The following SEH1L variants were observed in gnomAD, a reference collection of about 807,000 sequenced individuals.
SEH1L encodes the protein nucleoporin SEH1.
In SEH1L, 18 loss-of-function variants were observed where a neutral mutation model predicts 49.5. The observed-to-expected ratio is 0.36, with a 90% CI of 0.25 to 0.54. SEH1L has a LOEUF of 0.54. SEH1L is among the 20% of genes least tolerant of loss of function. SEH1L has a pLI of 0.87. For missense variants in SEH1L, 404 were observed against 528.8 expected, an observed-to-expected ratio of 0.76 and a Z score of 2.31; for synonymous variants, 169 against 178.1, an observed-to-expected ratio of 0.95 and a Z score of 0.41.
At chr18:12,977,911 C>T (rs1011340706) in intron 5 of SEH1L, 15 of 152,408 alleles carry the variant, frequency 9.8e-5, no homozygotes, top group African/African-American at 3.4e-4. Context: ...TCACTGCAAC[C>T]TCCGCCTCCT....
chr18:12,959,956 A>G (rs995006185), intron 3 of SEH1L, among the ~76,000 whole-genome samples: 13 of 152,216 alleles, frequency 8.5e-5, no homozygotes, highest in Non-Finnish European at 1.8e-4. Flanking sequence ...ATGGGAGGGC[A>G]AGATCTCTCG....
chr18:12,963,920 C>T lies in SEH1L; in HGVS notation c.521+549C>T, dbSNP rs150676557. 2.7e-3 allele frequency among the ~76,000 whole-genome samples: 417 copies of T among 152,324 alleles called. 3 individuals are homozygous for T. The highest frequency in any genetic ancestry group is 5.1e-3 in the Non-Finnish European group (350 of 68,020). On this transcript the variant is annotated intron_variant, in intron 4 of 8. Transcript: ENST00000399892. ...TAGACATGGGGTTTTACCATGTTGG[C>T]CAGACTGGTCTTGAACTTCTAACCT...
intron 3 of SEH1L, among the ~76,000 whole-genome samples, chr18:12,956,176 C>G (rs957933732): frequency 1.3e-5 from 2 of 152,038 alleles, no homozygotes; most frequent in Non-Finnish European, 2.9e-5. Context: ...TCCTGAGTAG[C>G]TGGGACTACA....
At chr18:12,971,120 G>A (rs1336595349) in intron 4 of SEH1L, 33 bp from the exon 5 acceptor site, 7 of 1,439,734 alleles carry the variant, frequency 4.9e-6, no homozygotes, top group African/African-American at 1.4e-5. Flanking sequence ...TATTTCTTTT[G>A]TTATCTAAAA....
chr18:12,951,793 T>C lies in SEH1L; in HGVS notation c.112-62T>C, dbSNP rs143847623. ...TTCCTTGTACACTGATTCAGTCTTATAGTTTTTGTATCAATTTGTAGGAAT... is the reference window on the plus strand; with the variant it reads ...TTCCTTGTACACTGATTCAGTCTTACAGTTTTTGTATCAATTTGTAGGAAT... On this transcript the variant is annotated intron_variant, in intron 1 of 8. Coordinates refer to ENST00000399892, the MANE Select transcript of SEH1L (RefSeq NM_001013437.2). 6,787 of 978,892 alleles carry C rather than the reference T, an allele frequency of 6.9e-3. 47 individuals carry two copies. Among genetic ancestry groups the C allele is most frequent in the Non-Finnish European group, 8.6e-3 (5,388 of 623,274 alleles). The allele number at this position is 978,892 out of a possible 1,614,324, so 60.6% of individuals were successfully genotyped here. A position where few individuals can be genotyped will look rare whatever the true frequency, so the allele number is the denominator to read the frequency against.
At chr18:12,980,984 C>T (rs1444786067) in intron 6 of SEH1L, among the ~76,000 whole-genome samples, 4 of 149,390 alleles carry the variant, frequency 2.7e-5, no homozygotes, top group African/African-American at 7.4e-5. Flanking sequence ...ACTTCCCAGA[C>T]GGGGTGGCTG....
At chr18:12,971,429 A>G in intron 5 of SEH1L, 178 bp downstream of exon 5, 1 of 454,344 alleles carries the variant, frequency 2.2e-6, no homozygotes, top group Non-Finnish European at 4.0e-6. Context: ...AAGAGGAGAA[A>G]GTAGACCAGC....
intron 7 of SEH1L, among the ~76,000 whole-genome samples, chr18:12,983,410 C>T (rs185581198): frequency 5.9e-5 from 9 of 152,320 alleles, no homozygotes; most frequent in Admixed American, 5.2e-4. Flanking sequence ...ACCTTCCTTT[C>T]CTCAGTGTAA....
At chr18:12,948,848 C>CTTTTTTT (rs920060634) in intron 1 of SEH1L, 7 of 132,054 alleles carry the variant, frequency 5.3e-5, no homozygotes, top group East Asian at 2.2e-4. Flanking sequence ...AATTTCTTTT[C>CTTTTTTT]TTTTTTTTTT....
In SEH1L at chr18:12,981,268, C is replaced by T. The variant is rs568925554; in HGVS notation, c.762-1250C>T. 3.0e-3 allele frequency among the ~76,000 whole-genome samples: 449 copies of T among 152,104 alleles called. 2 individuals carry two copies. The highest frequency in any genetic ancestry group is 0.01 in the African/African-American group (431 of 41,474). On this transcript the variant is annotated intron_variant, in intron 6 of 8. Transcript: ENST00000399892. ...CCTCACATCCCAGACGATGGGTGGC[C>T]AGGCAGAGACGCTCCTCACTTCCCA...
chr18:12,963,413 T>C (rs748918847), intron 4 of SEH1L, 42 bp downstream of exon 4: 2 of 1,438,402 alleles, frequency 1.4e-6, no homozygotes, highest in South Asian at 2.3e-5. Context: ...CCTAGTAAAA[T>C]AAACTAGTAA....
chr18:12,948,011 A>G lies in SEH1L; in HGVS notation c.-111A>G. ...GCAGGGGCGGTGCGGGGGCGTGGGC[A>G]GCACAAGCCGTGCGCTCCCGGGCTG... is the stretch of plus-strand genomic sequence containing the variant. On this transcript the variant is annotated 5_prime_UTR_variant, in exon 1 of 9. Coordinates refer to ENST00000399892, the MANE Select transcript of SEH1L (RefSeq NM_001013437.2). The G allele has an allele frequency of 1.4e-6, 1 of 706,136 alleles. No homozygotes were observed. The highest frequency in any genetic ancestry group is 2.9e-5 in the East Asian group (1 of 34,916). The allele number at this position is 706,136 out of a possible 1,614,324, so 43.7% of individuals were successfully genotyped here.
In SEH1L at chr18:12,948,026, C is replaced by T. The variant is rs2030216785; in HGVS notation, c.-96C>T. On this transcript the variant is annotated 5_prime_UTR_variant, in exon 1 of 9. Transcript: ENST00000399892. ...GGGCGTGGGCAGCACAAGCCGTGCG[C>T]TCCCGGGCTGCGAGGTCTGGCTAGG... 3.5e-6 allele frequency: 3 copies of T among 851,906 alleles called. No homozygotes were observed. Among genetic ancestry groups the T allele is most frequent in the South Asian group, 3.2e-5 (2 of 63,250 alleles). 52.8% of individuals were successfully genotyped at this position (851,906 alleles called of 1,614,324 possible).
chr18:12,951,950 C>T lies in SEH1L; in HGVS notation c.162+45C>T, dbSNP rs2030560366. The T allele has an allele frequency of 5.7e-6, 6 of 1,058,328 alleles. No individual in the cohort carries two copies. The East Asian group carries it at 7.7e-5, about 14-fold the overall frequency. The allele number at this position is 1,058,328 out of a possible 1,614,324, so 65.6% of individuals were successfully genotyped here. A position where few individuals can be genotyped will look rare whatever the true frequency, so the allele number is the denominator to read the frequency against. ...TTTATTAAAAATACAGAAATATTTACTGTTTATTTTATAGTTATCTATGAA... is the reference window on the plus strand; with the variant it reads ...TTTATTAAAAATACAGAAATATTTATTGTTTATTTTATAGTTATCTATGAA... On this transcript the variant is annotated intron_variant, in intron 2 of 8. Coordinates refer to ENST00000399892, the MANE Select transcript of SEH1L (RefSeq NM_001013437.2).
Position 12,987,034 on chromosome 18 carries a change from T to C in SEH1L, c.1243T>C (p.Leu415=), listed in dbSNP as rs138623178. 74 of 1,609,930 alleles carry C rather than the reference T, an allele frequency of 4.6e-5. No homozygotes were observed. The East Asian group carries it at 1.7e-3, about 36-fold the overall frequency. The part of the protein sequence containing the change: ...RRYLSRPLNP[L]PENEGI The stretch of plus-strand genomic sequence containing the variant: ...ATATCTCTCTCGGCCTCTTAATCCC[T>C]TACCTGAGAATGAAGGGATTTAAAA... Residue 415 remains leucine, a synonymous_variant, in exon 9 of 9, where the codon TTA becomes CTA. Coordinates refer to ENST00000399892, the MANE Select transcript of SEH1L (RefSeq NM_001013437.2).
intron 5 of SEH1L, chr18:12,973,321 TGA>T (rs2031779883): frequency 2.6e-5 from 4 of 151,842 alleles, no homozygotes; most frequent in African/African-American, 7.3e-5. Context: ...TTTTTTTTTT[TGA>T]GAGTCTCACT....
intron 5 of SEH1L, among the ~76,000 whole-genome samples, chr18:12,975,333 A>C (rs917504789): frequency 4.6e-5 from 7 of 152,054 alleles, no homozygotes; most frequent in African/African-American, 1.4e-4. Context: ...CAGGTAAGAA[A>C]AAAAAAATCT....
At chr18:12,957,925 T>C (rs182943497) in intron 3 of SEH1L, among the ~76,000 whole-genome samples, 1 of 152,022 alleles carries the variant, frequency 6.6e-6, no homozygotes, top group African/African-American at 2.4e-5. Context: ...CCCAGGCTGG[T>C]CTTGAACTCC....
At chr18:12,960,705 C>T (rs771919182) in intron 3 of SEH1L, among the ~76,000 whole-genome samples, 4 of 152,132 alleles carry the variant, frequency 2.6e-5, no homozygotes, top group Non-Finnish European at 4.4e-5. Flanking sequence ...GTTCAGTATA[C>T]TATAGATTGG....
Sources: gnomAD v4.1 joint callset for allele counts (sites outside exome capture counted in the v4.1 genomes callset) on GRCh38, gnomAD v4.1.1 for gene constraint, MANE v1.5 for transcripts, NCBI Gene and HGNC (gene_info 2026-07-23, HGNC 2026-07-21) for gene names.